The following MGST1 variants were observed in gnomAD, a reference collection of about 807,000 sequenced individuals.
The protein encoded by MGST1 is glutathione S-transferase 12.
In MGST1, 5 loss-of-function variants were observed where a neutral mutation model predicts 8.9. The ratio of observed to expected loss-of-function variants is 0.56; its 90% confidence interval spans 0.29 to 1.19. MGST1 has a LOEUF of 1.19. MGST1 is among the 50% of genes most tolerant of loss of function. MGST1 has a pLI of 0.08. For synonymous variants in MGST1, 54 were observed against 67.8 expected, an observed-to-expected ratio of 0.80 and a Z score of 1.00; for missense variants, 182 against 187.4, an observed-to-expected ratio of 0.97 and a Z score of 0.17.
chr12:16,504,678 A>G (rs1052500306), intron 4 of MGST1, among the ~76,000 whole-genome samples: 2 of 152,174 alleles, frequency 1.3e-5, no homozygotes, highest in African/African-American at 4.8e-5. Context: ...AAATTTAAAG[A>G]TGCTTGGAGG....
At chr12:16,355,204 CTTTTTTTTTT>C (rs5796668) in intron 2 of MGST1, among the ~76,000 whole-genome samples, 5 of 125,200 alleles carry the variant, frequency 4.0e-5, no homozygotes, top group Non-Finnish European at 8.4e-5. Context: ...TTCCTTGTTA[CTTTTTTTTTT>C]TTTTTTTTTT....
intron 4 of MGST1, among the ~76,000 whole-genome samples, chr12:16,502,860 A>C (rs939701927): frequency 2.0e-5 from 3 of 152,222 alleles, no homozygotes; most frequent in Non-Finnish European, 4.4e-5. Context: ...ACAGAAATTT[A>C]GTACTTCAAA....
At chr12:16,408,624 T>G (rs1416440766) in intron 1 of MGST1, among the ~76,000 whole-genome samples, 1 of 152,174 alleles carries the variant, frequency 6.6e-6, no homozygotes. Flanking sequence ...TCACTGGAAA[T>G]TTTTATCCTA....
chr12:16,475,191 C>A (rs767568676), intron 4 of MGST1, among the ~76,000 whole-genome samples: 1 of 151,872 alleles, frequency 6.6e-6, no homozygotes, highest in Non-Finnish European at 1.5e-5. Flanking sequence ...CAAGGCCCAG[C>A]ATATACATGA....
chr12:16,514,422 C>A, intron 4 of MGST1: 1 of 281,610 alleles, frequency 3.6e-6, no homozygotes, highest in Non-Finnish European at 7.1e-6. Flanking sequence ...AGGCAAGGCC[C>A]ATCGCATCAT....
chr12:16,426,625 A>T (rs1185667943), intron 1 of MGST1, among the ~76,000 whole-genome samples: 1 of 152,122 alleles, frequency 6.6e-6, no homozygotes, highest in African/African-American at 2.4e-5. Flanking sequence ...TGCTATACCT[A>T]TCAAATGTAT....
At position 16,416,873 on chromosome 12, in the gene MGST1, G is replaced by C. The variant is rs147337254; in HGVS notation, n.779-20515G>C. Among the ~76,000 whole-genome samples the C allele has an allele frequency of 4.4e-3, 667 of 152,244 alleles. 8 individuals carry two copies. The highest frequency in any genetic ancestry group is 0.015 in the African/African-American group (632 of 41,554). ...TTGTTGAAAACTGAATTAGGAATCT[G>C]TAGAATTTGCATTCCTCATGCCAAC... On this transcript the variant is annotated intron_variant and non_coding_transcript_variant, in intron 1 of 1. Transcript: ENST00000359720.
At chr12:16,424,880 T>C (rs2137087137) in intron 1 of MGST1, among the ~76,000 whole-genome samples, 1 of 152,346 alleles carries the variant, frequency 6.6e-6, no homozygotes, top group East Asian at 1.9e-4. Context: ...TCTGTATGAA[T>C]GTGAGTCACA....
At chr12:16,358,779 C>CTTTTTTTTTTTTTTTTTTTTTTTTTTTT (rs35081887) in intron 3 of MGST1, among the ~76,000 whole-genome samples, 1 of 57,574 alleles carries the variant, frequency 1.7e-5, no homozygotes, top group Non-Finnish European at 3.1e-5. Flanking sequence ...AAATTCATTC[C>CTTTTTTTTTTTTTTTTTTTTTTTTTTTT]TTTTTTTTTT....
In MGST1 at chr12:16,347,733, G is replaced by C. The variant is rs1363260517; in HGVS notation, c.-23+23G>C. On this transcript the variant is annotated intron_variant, in intron 1 of 3. Coordinates refer to ENST00000396210, the MANE Select transcript of MGST1 (RefSeq NM_020300.5). The surrounding 1 kb of genome is among the most constrained non-coding windows in gnomAD (Gnocchi z 4.0). Reference sequence around the variant, plus strand: ...ACCGTGCGTACTGGGAGGGGAGAAGGGGACCGCATGCAAAGGGTGGCAGGC... The same window carrying C: ...ACCGTGCGTACTGGGAGGGGAGAAGCGGACCGCATGCAAAGGGTGGCAGGC... 6.5e-6 allele frequency: 1 copy of C among 152,728 alleles called. No homozygotes were observed. The highest frequency in any genetic ancestry group is 2.4e-5 in the African/African-American group (1 of 41,452). 9.5% of individuals were successfully genotyped at this position (152,728 alleles called of 1,614,324 possible). A position where few individuals can be genotyped will look rare whatever the true frequency, so the allele number is the denominator to read the frequency against.
At chr12:16,412,326 C>T (rs1405885278) in intron 1 of MGST1, among the ~76,000 whole-genome samples, 1 of 152,106 alleles carries the variant, frequency 6.6e-6, no homozygotes, top group Non-Finnish European at 1.5e-5. Context: ...TCTAACTGCT[C>T]CAATCAGATC....
intron 4 of MGST1, among the ~76,000 whole-genome samples, chr12:16,506,623 T>C (rs1323384149): frequency 1.3e-5 from 2 of 152,206 alleles, no homozygotes; most frequent in Admixed American, 6.6e-5. Flanking sequence ...CATCTGTTTT[T>C]GTAAATACAA....
chr12:16,579,609 G>A (rs562474386), intron 4 of MGST1, among the ~76,000 whole-genome samples: 1 of 152,292 alleles, frequency 6.6e-6, no homozygotes, highest in South Asian at 2.1e-4. Flanking sequence ...GAAAGATCAC[G>A]TTGGTGGAAT....
chr12:16,398,405 G>T (rs1288884548), intron 1 of MGST1, among the ~76,000 whole-genome samples: 1 of 152,162 alleles, frequency 6.6e-6, no homozygotes, highest in Non-Finnish European at 1.5e-5. Flanking sequence ...TGTAGATATG[G>T]CCTCCCTTCC....
intron 4 of MGST1, among the ~76,000 whole-genome samples, chr12:16,516,765 C>T (rs1206555212): frequency 6.6e-6 from 1 of 152,070 alleles, no homozygotes; most frequent in Admixed American, 6.5e-5. Flanking sequence ...CTAATATGTA[C>T]TTGCAGGTCT....
intron 4 of MGST1, among the ~76,000 whole-genome samples, chr12:16,575,900 C>T (rs1942979492): frequency 6.6e-6 from 1 of 152,134 alleles, no homozygotes. Flanking sequence ...ACATTACCCT[C>T]CCTCTCCCCA....
chr12:16,558,097 G>T (rs1373413280), intron 4 of MGST1, among the ~76,000 whole-genome samples: 2 of 151,962 alleles, frequency 1.3e-5, no homozygotes, highest in Non-Finnish European at 2.9e-5. Context: ...GGTAAAAAAG[G>T]CACAAAATAT....
At chr12:16,391,989 AC>A (rs1940557561) in intron 1 of MGST1, among the ~76,000 whole-genome samples, 1 of 152,154 alleles carries the variant, frequency 6.6e-6, no homozygotes, top group South Asian at 2.1e-4. Context: ...AGCCCCATTT[AC>A]CAAATAGGGA....
chr12:16,354,645 A>C (rs780845180), intron 2 of MGST1: 2 of 232,048 alleles, frequency 8.6e-6, no homozygotes, highest in Non-Finnish European at 1.6e-5. Context: ...GGAATATCAA[A>C]GTTTTCACGG....
Sources: allele counts gnomAD v4.1 joint callset (sites outside exome capture counted in the v4.1 genomes callset), GRCh38; gene constraint gnomAD v4.1.1; non-coding constraint Gnocchi (gnomAD v3.1); transcripts MANE v1.5; gene names NCBI Gene and HGNC (gene_info 2026-07-23, HGNC 2026-07-21).